Variants in PHACTR1 observed in about 807,000 individuals in gnomAD.
The protein encoded by PHACTR1 is RPEL repeat containing 1.
In PHACTR1, 16 loss-of-function variants were observed where a neutral mutation model predicts 69.2. The observed-to-expected ratio is 0.23, with a 90% confidence interval of 0.16 to 0.35. The LOEUF (loss-of-function observed/expected upper bound fraction) is 0.35. Ranked by LOEUF, PHACTR1 falls within the 10% of genes least tolerant of loss-of-function variation. The pLI is 1.00. For missense variants in PHACTR1, 510 were observed against 734.7 expected, an observed-to-expected ratio of 0.69 and a Z score of 3.54; for synonymous variants, 312 against 284.5, an observed-to-expected ratio of 1.10 and a Z score of -0.97.
intron 7 of PHACTR1, among the ~76,000 whole-genome samples, chr6:13,190,165 A>G (rs1763342733): frequency 6.9e-6 from 1 of 145,930 alleles, no homozygotes; most frequent in African/African-American, 2.6e-5. Flanking sequence ...CTGGAATTAC[A>G]GGCTTGTGCC....
chr6:12,914,551 C>T (rs537031803), intron 4 of PHACTR1, among the ~76,000 whole-genome samples: 15 of 152,156 alleles, frequency 9.9e-5, no homozygotes, highest in South Asian at 4.2e-4. Flanking sequence ...TTGATTTCTC[C>T]GCCTGGAGGT....
At chr6:13,059,405 A>G (rs572751258) in intron 5 of PHACTR1, among the ~76,000 whole-genome samples, 1 of 152,200 alleles carries the variant, frequency 6.6e-6, no homozygotes, top group African/African-American at 2.4e-5. Flanking sequence ...TTAACAATCC[A>G]GTATTGTGCA....
At chr6:12,945,765 A>T (rs971461299) in intron 4 of PHACTR1, among the ~76,000 whole-genome samples, 1 of 151,964 alleles carries the variant, frequency 6.6e-6, no homozygotes, top group Admixed American at 6.6e-5. Flanking sequence ...GGAGTTCGAG[A>T]CCAGCCGAGC....
At chr6:13,281,918 A>C (rs1413178720) in intron 12 of PHACTR1, among the ~76,000 whole-genome samples, 2 of 152,202 alleles carry the variant, frequency 1.3e-5, no homozygotes, top group African/African-American at 4.8e-5. Flanking sequence ...CCGGCACCAG[A>C]GGCGGCTGAG....
In PHACTR1 at chr6:12,909,029, G is replaced by A. The variant is rs569731864; in HGVS notation, c.251-144336G>A. 8.2e-4 allele frequency among the ~76,000 whole-genome samples: 125 copies of A among 152,304 alleles called. 1 individual carries two copies. Among genetic ancestry groups the A allele is most frequent in the Non-Finnish European group, 1.6e-3 (108 of 68,024 alleles). ...AAACAGAAATGATCAGTGCATAGCA[G>A]TACTTAGGCAATGGAGGTGGAGAGG... On this transcript the variant is annotated intron_variant, in intron 4 of 14. Transcript: ENST00000332995.
chr6:12,941,391 AT>A (rs144394696), intron 4 of PHACTR1, among the ~76,000 whole-genome samples: 3,920 of 152,196 alleles, frequency 0.026, 172 homozygotes, highest in African/African-American at 0.089. Flanking sequence ...CCTCTGTAAA[AT>A]GATGAAGGGT....
chr6:12,805,456 T>C (rs1002986446), intron 4 of PHACTR1, among the ~76,000 whole-genome samples: 9 of 152,164 alleles, frequency 5.9e-5, no homozygotes, highest in Non-Finnish European at 1.3e-4. Context: ...CTCCACTTAG[T>C]CACCTCCCTT....
intron 10 of PHACTR1, among the ~76,000 whole-genome samples, chr6:13,247,498 AC>A (rs1773746307): frequency 6.6e-6 from 1 of 152,056 alleles, no homozygotes; most frequent in East Asian, 1.9e-4. Context: ...GGCGCCAGCC[AC>A]CATGCCTGGC....
intron 4 of PHACTR1, among the ~76,000 whole-genome samples, chr6:12,990,311 A>G (rs1296358181): frequency 6.6e-6 from 1 of 152,214 alleles, no homozygotes; most frequent in Non-Finnish European, 1.5e-5. Context: ...AGATGTCCCA[A>G]GGAGCTCGGC....
Position 13,128,014 on chromosome 6 carries a change from G to A in PHACTR1, c.416-32190G>A, listed in dbSNP as rs140671092. ...CTTCACATGGCGGCCGGAAGGAGAA[G>A]TATGAGCAAAAGGAGGAAAAGCCCC... On this transcript the variant is annotated intron_variant, in intron 5 of 14. Coordinates refer to ENST00000332995, the MANE Select transcript of PHACTR1 (RefSeq NM_030948.6). Among the ~76,000 whole-genome samples the A allele has an allele frequency of 3.6e-3, 541 of 151,296 alleles. 7 individuals are homozygous for A. The highest frequency in any genetic ancestry group is 0.013 in the African/African-American group (518 of 41,244).
intron 4 of PHACTR1, among the ~76,000 whole-genome samples, chr6:12,944,467 A>G (rs1330061444): frequency 6.6e-6 from 1 of 152,244 alleles, no homozygotes; most frequent in Non-Finnish European, 1.5e-5. Flanking sequence ...AAAATAAATT[A>G]GAAACAAAAT....
intron 10 of PHACTR1, among the ~76,000 whole-genome samples, chr6:13,272,038 G>A (rs773087305): frequency 5.3e-5 from 8 of 152,214 alleles, no homozygotes; most frequent in Non-Finnish European, 1.0e-4. Flanking sequence ...GATAATTGCA[G>A]GTTGTTAAAT....
At chr6:13,090,267 A>C (rs1813039414) in intron 5 of PHACTR1, among the ~76,000 whole-genome samples, 1 of 147,046 alleles carries the variant, frequency 6.8e-6, no homozygotes, top group Admixed American at 6.9e-5. Flanking sequence ...TGTTGTCTCG[A>C]ACTCCTGACC....
chr6:13,118,822 A>G (rs1818213853), intron 5 of PHACTR1, among the ~76,000 whole-genome samples: 1 of 152,142 alleles, frequency 6.6e-6, no homozygotes, highest in Non-Finnish European at 1.5e-5. Flanking sequence ...GAAAGAGCCC[A>G]GGCACTGCAG....
intron 4 of PHACTR1, among the ~76,000 whole-genome samples, chr6:12,837,269 T>G (rs1399090475): frequency 6.6e-6 from 1 of 152,210 alleles, no homozygotes; most frequent in African/African-American, 2.4e-5. Context: ...CTAGAAATGA[T>G]AGTTGAAATA....
intron 14 of PHACTR1, 57 bp from the exon 15 acceptor site, chr6:13,287,006 T>A (rs1220110141): frequency 6.3e-7 from 1 of 1,586,810 alleles, no homozygotes; most frequent in Admixed American, 1.8e-5. Flanking sequence ...GATTGGACTG[T>A]TGAATCCTGC....
At chr6:13,161,596 A>G (rs1021639436) in intron 6 of PHACTR1, among the ~76,000 whole-genome samples, 1 of 152,018 alleles carries the variant, frequency 6.6e-6, no homozygotes, top group South Asian at 2.1e-4. Flanking sequence ...GACGCAGTCC[A>G]TTTGCTGTGT....
Position 13,059,495 on chromosome 6 carries a change from A to C in PHACTR1, c.415+5966A>C, listed in dbSNP as rs7771381. 8.0e-3 allele frequency among the ~76,000 whole-genome samples: 1,154 copies of C among 144,506 alleles called. 14 individuals carry two copies. The highest frequency in any genetic ancestry group is 0.029 in the African/African-American group (1,077 of 37,246). 94.8% of individuals were successfully genotyped at this position (144,506 alleles called of 152,430 possible). ...ACACACACACACACACACACACACA[A>C]AACCCACAGAGGAACACAAGGGAAC... On this transcript the variant is annotated intron_variant, in intron 5 of 14. Transcript: ENST00000332995.
intron 4 of PHACTR1, among the ~76,000 whole-genome samples, chr6:12,908,260 G>C (rs1785970854): frequency 6.6e-6 from 1 of 152,082 alleles, no homozygotes; most frequent in African/African-American, 2.4e-5. Flanking sequence ...CTTCATCTTT[G>C]CTTCTCCAGA....
Sources: allele counts gnomAD v4.1 joint callset (sites outside exome capture counted in the v4.1 genomes callset), GRCh38; gene constraint gnomAD v4.1.1; transcripts MANE v1.5; gene names NCBI Gene and HGNC (gene_info 2026-07-23, HGNC 2026-07-21).